GRIN2A: variants seen among roughly 807,000 people sequenced by gnomAD.
GRIN2A encodes glutamate receptor ionotropic, NMDA 2A.
GRIN2A carries 22 observed loss-of-function variants against 113.4 expected under a neutral mutation model. The observed-to-expected ratio is 0.19, with a 90% CI of 0.14 to 0.28. The LOEUF (loss-of-function observed/expected upper bound fraction) is 0.28, where lower values mean the gene tolerates loss of function less well. GRIN2A is among the 10% of genes least tolerant of loss of function. GRIN2A has a pLI of 1.00. For missense variants in GRIN2A, 1,502 were observed against 1,887.0 expected (o/e 0.80, Z 3.78); for synonymous variants, 827 against 738.4 (o/e 1.12, Z -1.94).
chr16:10,024,648 ACT>A (rs1169501793), intron 2 of GRIN2A, among the ~76,000 whole-genome samples: 3 of 151,980 alleles, frequency 2.0e-5, no homozygotes, highest in Non-Finnish European at 4.4e-5. Flanking sequence ...GCTTTTAGAG[ACT>A]CTCATTTTGC....
chr16:10,103,742 A>G (rs1326788998), intron 2 of GRIN2A, among the ~76,000 whole-genome samples: 3 of 152,192 alleles, frequency 2.0e-5, no homozygotes, highest in African/African-American at 7.2e-5. Context: ...TAGCCAGCTC[A>G]TAGCTCTTCC....
intron 3 of GRIN2A, among the ~76,000 whole-genome samples, chr16:9,930,096 A>G (rs16966716): frequency 0.014 from 2,156 of 152,272 alleles, 54 homozygotes; most frequent in African/African-American, 0.048. Flanking sequence ...AACAGAGATG[A>G]TGCTGAAGAG....
intron 10 of GRIN2A, among the ~76,000 whole-genome samples, 176 bp from the exon 11 acceptor site, chr16:9,798,640 C>G (rs1435512169): frequency 6.6e-6 from 1 of 152,152 alleles, no homozygotes; most frequent in African/African-American, 2.4e-5. Flanking sequence ...GAGATAAAAG[C>G]CAGAACCTTT....
chr16:9,825,994 G>C (rs540674593), intron 9 of GRIN2A, among the ~76,000 whole-genome samples: 1 of 150,376 alleles, frequency 6.6e-6, no homozygotes, highest in Admixed American at 6.6e-5. Flanking sequence ...GAGACAAAGA[G>C]AAGGAGAGGG....
At chr16:9,899,922 C>G (rs1311172854) in intron 3 of GRIN2A, among the ~76,000 whole-genome samples, 1 of 152,180 alleles carries the variant, frequency 6.6e-6, no homozygotes, top group Non-Finnish European at 1.5e-5. Flanking sequence ...AATTTTGTGG[C>G]TTTCAACCTC....
intron 2 of GRIN2A, among the ~76,000 whole-genome samples, chr16:9,965,761 T>C (rs1046214712): frequency 6.6e-6 from 1 of 152,086 alleles, no homozygotes; most frequent in African/African-American, 2.4e-5. Flanking sequence ...AAAGCAGGGG[T>C]TGACAATCCA....
chr16:9,942,622 A>G (rs1319001765), intron 2 of GRIN2A, among the ~76,000 whole-genome samples: 1 of 152,112 alleles, frequency 6.6e-6, no homozygotes, highest in Admixed American at 6.5e-5. Context: ...TCCTCATCCT[A>G]TTTCAAGAAC....
intron 11 of GRIN2A, among the ~76,000 whole-genome samples, chr16:9,782,862 T>C (rs537388664): frequency 6.6e-6 from 1 of 152,344 alleles, no homozygotes; most frequent in South Asian, 2.1e-4. Context: ...TTATTCCAAA[T>C]ATGTCTCTAG....
At chr16:9,938,618 C>A (rs1026901591) in intron 2 of GRIN2A, 67 bp from the exon 3 acceptor site, 2 of 1,113,898 alleles carry the variant, frequency 1.8e-6, no homozygotes, top group South Asian at 2.5e-5. Flanking sequence ...GCACAAACTG[C>A]GTCCTAGAAG....
chr16:10,154,616 C>T (rs1470977395), intron 2 of GRIN2A, among the ~76,000 whole-genome samples: 1 of 152,128 alleles, frequency 6.6e-6, no homozygotes, highest in Non-Finnish European at 1.5e-5. Flanking sequence ...ACATAAGACA[C>T]TGTTCCTGTC....
chr16:10,074,350 T>C (rs77932969), intron 2 of GRIN2A, among the ~76,000 whole-genome samples: 2,457 of 152,336 alleles, frequency 0.016, 45 homozygotes, highest in Non-Finnish European at 0.023. Flanking sequence ...AGAACTCCTA[T>C]ATGATCCAGC....
In GRIN2A at chr16:10,101,297, C is replaced by G. The variant is rs565756790; in HGVS notation, c.414+78701G>C. ...CTCAATAAACTTCTTGTGCCCCTAA[C>G]TCCATCTCAGCATCTGTTTCCTGGA... On this transcript the variant is annotated intron_variant, in intron 2 of 12. Transcript: ENST00000330684. 3.9e-5 allele frequency among the ~76,000 whole-genome samples: 6 copies of G among 152,328 alleles called. 1 individual carries two copies. The South Asian group carries it at 8.3e-4, about 21-fold the overall frequency.
chr16:9,765,090 T>C, intron 12 of GRIN2A, 142 bp from the exon 13 acceptor site: 1 of 1,010,136 alleles, frequency 9.9e-7, no homozygotes, highest in Non-Finnish European at 1.5e-6. Flanking sequence ...GTCTGAATCC[T>C]GATAATGTCT....
intron 2 of GRIN2A, among the ~76,000 whole-genome samples, chr16:10,092,320 C>A (rs1372746565): frequency 9.2e-5 from 14 of 152,278 alleles, no homozygotes; most frequent in Non-Finnish European, 7.3e-5. Context: ...GAAAATCAGT[C>A]TCTACACTGA....
chr16:9,980,439 G>C (rs1305511973), intron 2 of GRIN2A, among the ~76,000 whole-genome samples: 1 of 152,090 alleles, frequency 6.6e-6, no homozygotes. Flanking sequence ...CAATTCCTCA[G>C]GGATCTACAA....
intron 10 of GRIN2A, among the ~76,000 whole-genome samples, chr16:9,811,396 T>C (rs1040995629): frequency 1.3e-5 from 2 of 152,212 alleles, no homozygotes; most frequent in Non-Finnish European, 2.9e-5. Flanking sequence ...AAAATGATTA[T>C]CTGGCAGAGT....
At position 9,959,281 on chromosome 16, in the gene GRIN2A, C is replaced by T. The variant is rs145380026; in HGVS notation, c.415-20730G>A. ...ATCTCCTAAGAGATAAAAAGCCTCA[C>T]TCATTTTCCCACCCCTGACCCACCA... On this transcript the variant is annotated intron_variant, in intron 2 of 12. Transcript: ENST00000330684. Among the ~76,000 whole-genome samples, 294 of 152,304 alleles carry T rather than the reference C, an allele frequency of 1.9e-3. 2 individuals are homozygous for T. The highest frequency in any genetic ancestry group is 3.5e-3 in the Non-Finnish European group (235 of 68,022).
chr16:9,860,970 T>A (rs763997475), intron 4 of GRIN2A, among the ~76,000 whole-genome samples: 1 of 152,172 alleles, frequency 6.6e-6, no homozygotes, highest in Non-Finnish European at 1.5e-5. Context: ...AATTCAGAGT[T>A]TAAAAAGGGA....
intron 10 of GRIN2A, among the ~76,000 whole-genome samples, chr16:9,801,213 T>C (rs932261043): frequency 1.3e-5 from 2 of 152,170 alleles, no homozygotes; most frequent in African/African-American, 2.4e-5. Context: ...CCGTGGAAGG[T>C]GTTGGTCTCT....
Sources: allele counts gnomAD v4.1 joint callset (sites outside exome capture counted in the v4.1 genomes callset), GRCh38; gene constraint gnomAD v4.1.1; transcripts MANE v1.5; gene names NCBI Gene and HGNC (gene_info 2026-07-23, HGNC 2026-07-21).